Variants in HSPA4L observed in about 807,000 individuals in gnomAD.
HSPA4L encodes the protein heat shock protein family A (Hsp70) member 4 like.
A neutral mutation model predicts 100.3 loss-of-function variants in HSPA4L; 48 were observed. The ratio of observed to expected loss-of-function variants is 0.48; its 90% CI spans 0.38 to 0.61. The LOEUF is 0.61. HSPA4L is among the 20% of genes least tolerant of loss of function. The pLI is 0.00. For synonymous variants in HSPA4L, 319 were observed against 328.2 expected (o/e 0.97, Z 0.30); for missense variants, 886 against 988.6 (o/e 0.90, Z 1.39).
rs945901095 is a variant in HSPA4L, at chr4:127,794,071, G to A, written c.108-6G>A. 2 of 1,602,018 alleles carry A rather than the reference G, an allele frequency of 1.2e-6. No homozygotes were observed. Among genetic ancestry groups the A allele is most frequent in the South Asian group, 1.1e-5 (1 of 88,932 alleles). Reference sequence around the variant, plus strand: ...ATGGAACAAACTTTTTGTTTTTCTGGTTTAGGGCCTGTATATCATTGGGAT... The same window carrying A: ...ATGGAACAAACTTTTTGTTTTTCTGATTTAGGGCCTGTATATCATTGGGAT... On this transcript the variant is annotated splice_polypyrimidine_tract_variant and splice_region_variant and intron_variant, in intron 1 of 18. Coordinates refer to ENST00000296464, the MANE Select transcript of HSPA4L (RefSeq NM_014278.4).
chr4:127,839,957 A>AAAAT lies in HSPA4L; in HGVS notation c.*7086_*7089dup, dbSNP rs1734324709. 1 of 152,222 alleles carries AAAAT rather than the reference A, an allele frequency of 6.6e-6. No homozygotes were observed. Among genetic ancestry groups the AAAAT allele is most frequent in the South Asian group, 2.1e-4 (1 of 4,826 alleles). The allele number at this position is 152,222 out of a possible 1,614,324, so 9.4% of individuals were successfully genotyped here. Reference sequence around the variant, plus strand: ...TCTTTTCTTTTCTCCAACCATTATTAAAATAACTTGACACTTTGGGAGGCC... The same window carrying AAAAT: ...TCTTTTCTTTTCTCCAACCATTATTAAAATAAATAACTTGACACTTTGGGAGGCC... On this transcript the variant is annotated 3_prime_UTR_variant, in exon 19 of 19. Coordinates refer to ENST00000296464, the MANE Select transcript of HSPA4L (RefSeq NM_014278.4).
chr4:127,793,976 A>G (rs528585109), intron 1 of HSPA4L, 101 bp from the exon 2 acceptor site: 5 of 716,490 alleles, frequency 7.0e-6, no homozygotes, highest in Non-Finnish European at 1.1e-5. Flanking sequence ...ATATATGGTT[A>G]TATTTCTCCT....
chr4:127,795,422 C>T (rs991342894), intron 2 of HSPA4L, among the ~76,000 whole-genome samples: 9 of 152,138 alleles, frequency 5.9e-5, no homozygotes, highest in East Asian at 5.8e-4. Context: ...ATGTTCAGCT[C>T]GTACTAATTC....
In HSPA4L at chr4:127,834,477, C is replaced by T. The variant is rs1463842979; in HGVS notation, c.*1603C>T. 6.6e-6 allele frequency: 1 copy of T among 152,020 alleles called. No individual in the cohort carries two copies. The highest frequency in any genetic ancestry group is 1.9e-4 in the East Asian group (1 of 5,186). 9.4% of individuals were successfully genotyped at this position (152,020 alleles called of 1,614,324 possible). A position where few individuals can be genotyped will look rare whatever the true frequency, so the allele number is the denominator to read the frequency against. On this transcript the variant is annotated 3_prime_UTR_variant, in exon 19 of 19. Transcript: ENST00000296464. The stretch of plus-strand genomic sequence containing the variant: ...AGTGCATTTTGCAGGGATTTTTATT[C>T]CGTCTTTTGAGGGGAAGAATCTCTT...
In HSPA4L at chr4:127,827,320, A is replaced by T. The variant is rs762330089; in HGVS notation, c.2062A>T (p.Ile688Phe). Reference sequence around the variant, plus strand: ...ATGTTAACAGAAATACGGCCAGCCTATTCAAATGAAGTACATGGAGCATGA... The same window carrying T: ...ATGTTAACAGAAATACGGCCAGCCTTTTCAAATGAAGTACATGGAGCATGA... ...LQELKKYGQP[I>F]QMKYMEHEER... Residue 688 changes from isoleucine (I) to phenylalanine (F), a missense_variant, in exon 17 of 19, where the codon ATT becomes TTT. Transcript: ENST00000296464. 6.2e-7 allele frequency: 1 copy of T among 1,612,014 alleles called. No individual in the cohort carries two copies. Among genetic ancestry groups the T allele is most frequent in the Non-Finnish European group, 8.5e-7 (1 of 1,179,246 alleles).
intron 1 of HSPA4L, among the ~76,000 whole-genome samples, chr4:127,786,488 C>T (rs188654661): frequency 5.3e-5 from 8 of 152,196 alleles, no homozygotes; most frequent in Non-Finnish European, 1.2e-4. Flanking sequence ...TTTTTTGACA[C>T]AGGGTCTTGG....
At position 127,818,437 on chromosome 4, in the gene HSPA4L, C is replaced by T; in HGVS notation, c.1674+17C>T. On this transcript the variant is annotated intron_variant, in intron 13 of 18. Coordinates refer to ENST00000296464, the MANE Select transcript of HSPA4L (RefSeq NM_014278.4). ...AAAACAAAGGTTTGGTTTACTTTTT[C>T]TGTAGTTATGTCTTTTTGAAATTGA... 1 of 1,481,068 alleles carries T rather than the reference C, an allele frequency of 6.8e-7. No homozygotes were observed. Among genetic ancestry groups the T allele is most frequent in the Non-Finnish European group, 9.3e-7 (1 of 1,071,510 alleles). The allele number at this position is 1,481,068 out of a possible 1,614,324, so 91.7% of individuals were successfully genotyped here. A position where few individuals can be genotyped will look rare whatever the true frequency, so the allele number is the denominator to read the frequency against.
intron 6 of HSPA4L, among the ~76,000 whole-genome samples, chr4:127,802,322 C>T (rs1174262061): frequency 2.0e-5 from 3 of 152,104 alleles, no homozygotes; most frequent in South Asian, 2.1e-4. Context: ...GCGTTCTAAT[C>T]GTAATTTTAC....
In HSPA4L at chr4:127,794,062, G is replaced by T. The variant is rs1360926437; in HGVS notation, c.108-15G>T. 6.4e-7 allele frequency: 1 copy of T among 1,571,768 alleles called. No individual in the cohort carries two copies. Among genetic ancestry groups the T allele is most frequent in the Non-Finnish European group, 8.6e-7 (1 of 1,158,400 alleles). On this transcript the variant is annotated splice_polypyrimidine_tract_variant and intron_variant, in intron 1 of 18. Coordinates refer to ENST00000296464, the MANE Select transcript of HSPA4L (RefSeq NM_014278.4). ...AAAAGTACCATGGAACAAACTTTTT[G>T]TTTTTCTGGTTTAGGGCCTGTATAT...
chr4:127,824,389 A>G (rs1733891161), intron 16 of HSPA4L, among the ~76,000 whole-genome samples: 1 of 152,212 alleles, frequency 6.6e-6, no homozygotes, highest in Non-Finnish European at 1.5e-5. Context: ...GTATGTTTTT[A>G]GTAAGTATGT....
intron 8 of HSPA4L, 90 bp downstream of exon 8, chr4:127,804,177 T>A (rs1381695060): frequency 3.9e-6 from 4 of 1,012,842 alleles, no homozygotes; most frequent in Non-Finnish European, 3.0e-6. Context: ...TTTTAAAACT[T>A]TGTTTTTTAA....
At chr4:127,831,169 A>T (rs897626147) in intron 18 of HSPA4L, among the ~76,000 whole-genome samples, 1 of 152,140 alleles carries the variant, frequency 6.6e-6, no homozygotes, top group African/African-American at 2.4e-5. Flanking sequence ...GTAAAATCTT[A>T]TTCCGAGATA....
chr4:127,784,781 C>T (rs528119274), intron 1 of HSPA4L, among the ~76,000 whole-genome samples: 2 of 152,180 alleles, frequency 1.3e-5, no homozygotes, highest in Non-Finnish European at 2.9e-5. Flanking sequence ...AATTCAACAC[C>T]GATCATGCAA....
chr4:127,832,066 G>A (rs992380993), intron 18 of HSPA4L, among the ~76,000 whole-genome samples: 2 of 151,370 alleles, frequency 1.3e-5, no homozygotes, highest in Admixed American at 1.3e-4. Context: ...CGATCTTTGT[G>A]ACATTGATCT....
At chr4:127,796,001 C>T (rs1023074520) in intron 3 of HSPA4L, 93 bp downstream of exon 3, 118 of 1,245,598 alleles carry the variant, frequency 9.5e-5, no homozygotes, top group Non-Finnish European at 1.3e-4. Context: ...CCTTTTTCCT[C>T]TAGATACAGT....
In HSPA4L at chr4:127,787,734, G is replaced by A. The variant is rs550690652; in HGVS notation, c.107+5077G>A. 1.4e-4 allele frequency among the ~76,000 whole-genome samples: 22 copies of A among 151,852 alleles called. No individual in the cohort carries two copies. In the East Asian group the frequency reaches 4.1e-3, roughly 28 times the overall value. On this transcript the variant is annotated intron_variant, in intron 1 of 18. Coordinates refer to ENST00000296464, the MANE Select transcript of HSPA4L (RefSeq NM_014278.4). ...CATTTCAAGTTAATATTTTGCTAGC[G>A]ACATATAAAAATTCAGTGAATACCT...
At chr4:127,797,633 GCT>G (rs1302458866) in intron 3 of HSPA4L, among the ~76,000 whole-genome samples, 19 of 123,644 alleles carry the variant, frequency 1.5e-4, no homozygotes, top group African/African-American at 5.2e-4. Flanking sequence ...ACGGAGTCTT[GCT>G]CTGTCTCCCA....
At chr4:127,807,857 C>A in intron 10 of HSPA4L, 139 bp from the exon 11 acceptor site, 1 of 773,802 alleles carries the variant, frequency 1.3e-6, no homozygotes, top group South Asian at 2.1e-5. Flanking sequence ...AGAGCAAAAT[C>A]AGTAATTGTT....
At chr4:127,797,701 C>T (rs1733063281) in intron 3 of HSPA4L, among the ~76,000 whole-genome samples, 1 of 151,304 alleles carries the variant, frequency 6.6e-6, no homozygotes, top group South Asian at 2.1e-4. Context: ...TCCCGGGTTC[C>T]CACCATTCTC....
Sources: gnomAD v4.1 joint callset for allele counts (sites outside exome capture counted in the v4.1 genomes callset) on GRCh38, gnomAD v4.1.1 for gene constraint, MANE v1.5 for transcripts, NCBI Gene and HGNC (gene_info 2026-07-23, HGNC 2026-07-21) for gene names.